NLGN1: variants seen among roughly 807,000 people sequenced by gnomAD.
The protein encoded by NLGN1 is neuroligin-1.
Under a neutral mutation model 65.5 loss-of-function variants are expected in NLGN1, and 12 were observed. The observed-to-expected ratio is 0.18, with a 90% CI of 0.12 to 0.30. The LOEUF is 0.30. Ranked by LOEUF, NLGN1 falls within the 10% of genes least tolerant of loss-of-function variation. The pLI is 1.00. For missense variants in NLGN1, 750 were observed against 1,007.1 expected (o/e 0.74, Z 3.46); for synonymous variants, 350 against 359.5 (o/e 0.97, Z 0.30).
exon 7 of NLGN1, chr3:174,285,666 G>T (rs1458768647): frequency 6.6e-6 from 1 of 151,272 alleles, no homozygotes; most frequent in Non-Finnish European, 1.5e-5. Flanking sequence ...TTTTATTCTG[G>T]CACGTTGCTG....
chr3:174,142,451 T>C (rs1184106428), intron 4 of NLGN1, among the ~76,000 whole-genome samples: 2 of 152,262 alleles, frequency 1.3e-5, no homozygotes, highest in Non-Finnish European at 2.9e-5. Context: ...TCTCAATGGG[T>C]ATGTGCCTAG....
At chr3:173,759,868 C>A (rs1777704735) in intron 3 of NLGN1, among the ~76,000 whole-genome samples, 1 of 151,534 alleles carries the variant, frequency 6.6e-6, no homozygotes. Flanking sequence ...ATTTATCTCC[C>A]AAATTGTCCT....
intron 4 of NLGN1, among the ~76,000 whole-genome samples, chr3:174,151,327 C>T (rs1724305933): frequency 6.6e-6 from 1 of 152,052 alleles, no homozygotes. Context: ...ATTGATCAAT[C>T]TGTATTTGTT....
intron 4 of NLGN1, among the ~76,000 whole-genome samples, chr3:174,224,446 C>T (rs1291398656): frequency 6.6e-6 from 1 of 152,184 alleles, no homozygotes; most frequent in African/African-American, 2.4e-5. Flanking sequence ...CGCCTGCAAT[C>T]CCAGAACTTT....
At chr3:173,981,206 A>G (rs1718699864) in intron 4 of NLGN1, among the ~76,000 whole-genome samples, 1 of 152,244 alleles carries the variant, frequency 6.6e-6, no homozygotes, top group African/African-American at 2.4e-5. Flanking sequence ...TGTGAGGACT[A>G]CATATAAAGT....
At chr3:174,160,474 A>G (rs1216795941) in intron 4 of NLGN1, among the ~76,000 whole-genome samples, 1 of 151,732 alleles carries the variant, frequency 6.6e-6, no homozygotes, top group African/African-American at 2.4e-5. Context: ...TTTACAATAA[A>G]GAATATGTTT....
At chr3:173,923,619 C>T (rs1472886390) in intron 4 of NLGN1, among the ~76,000 whole-genome samples, 5 of 152,114 alleles carry the variant, frequency 3.3e-5, no homozygotes, top group African/African-American at 4.8e-5. Context: ...TGATGTATGA[C>T]ATAATCTCCC....
rs566026115 is a variant in NLGN1 at position 173,629,903 on chromosome 3, C to G, written c.493+24812C>G. Among the ~76,000 whole-genome samples the G allele has an allele frequency of 3.9e-5, 6 of 152,210 alleles. No homozygotes were observed. The South Asian group carries it at 8.3e-4, about 21-fold the overall frequency. ...TTCTAAAATTCAATAAATTCCTTTT[C>G]TAACCTTTATAGAAACTTTTAAAAA... On this transcript the variant is annotated intron_variant, in intron 3 of 6. Coordinates refer to ENST00000457714, the Ensembl canonical transcript of NLGN1.
At chr3:173,777,682 C>T (rs563971822) in intron 3 of NLGN1, among the ~76,000 whole-genome samples, 14 of 150,918 alleles carry the variant, frequency 9.3e-5, no homozygotes, top group Admixed American at 8.6e-4. Flanking sequence ...TCTATCCATC[C>T]CATTTTTAGA....
chr3:173,669,770 T>G (rs1351754085), intron 3 of NLGN1, among the ~76,000 whole-genome samples: 1 of 152,132 alleles, frequency 6.6e-6, no homozygotes, highest in Non-Finnish European at 1.5e-5. Flanking sequence ...ATAATACAAG[T>G]TTTTTAACAG....
chr3:173,895,766 C>G (rs1736241493), intron 4 of NLGN1, among the ~76,000 whole-genome samples: 1 of 152,036 alleles, frequency 6.6e-6, no homozygotes, highest in Non-Finnish European at 1.5e-5. Flanking sequence ...TCTCGGCTCA[C>G]TACAACCTCT....
chr3:174,281,563 T>TTTAAG (rs1316089407), exon 7 of NLGN1: 7 of 372,698 alleles, frequency 1.9e-5, no homozygotes, highest in South Asian at 1.4e-4. Context: ...TTTTTGAAGA[T>TTTAAG]TTAAGTTACA....
At chr3:173,977,107 GCACACACACACACACGCACA>G (rs1450653970) in intron 4 of NLGN1, among the ~76,000 whole-genome samples, 1 of 120,326 alleles carries the variant, frequency 8.3e-6, no homozygotes, top group East Asian at 2.6e-4. Flanking sequence ...ACACACACAC[GCACACACACACACACGCACA>G]CACACACACA....
chr3:173,467,595 A>G (rs1724582477), intron 2 of NLGN1, among the ~76,000 whole-genome samples: 1 of 152,088 alleles, frequency 6.6e-6, no homozygotes, highest in African/African-American at 2.4e-5. Flanking sequence ...CATCTTTATC[A>G]TTGTTTTCAA....
chr3:173,855,941 T>C (rs748595324), intron 4 of NLGN1, among the ~76,000 whole-genome samples: 4 of 152,182 alleles, frequency 2.6e-5, no homozygotes, highest in Non-Finnish European at 2.9e-5. Flanking sequence ...CCCATCACTC[T>C]AGCTGCTTTG....
chr3:173,698,406 C>T (rs190872649), intron 3 of NLGN1, among the ~76,000 whole-genome samples: 3 of 152,192 alleles, frequency 2.0e-5, no homozygotes, highest in East Asian at 3.9e-4. Context: ...GATAACAGAC[C>T]ACCTAAACCA....
intron 3 of NLGN1, among the ~76,000 whole-genome samples, chr3:173,704,666 C>T (rs1469887070): frequency 6.6e-6 from 1 of 152,092 alleles, no homozygotes; most frequent in African/African-American, 2.4e-5. Context: ...TTCTTCATGA[C>T]ACAGAAAAGC....
chr3:174,125,239 G>A (rs1404938156), intron 4 of NLGN1, among the ~76,000 whole-genome samples: 1 of 152,078 alleles, frequency 6.6e-6, no homozygotes, highest in Non-Finnish European at 1.5e-5. Context: ...TGATCTAGGT[G>A]AAGAAAAAGA....
chr3:174,189,258 T>C (rs1731948661), intron 4 of NLGN1, among the ~76,000 whole-genome samples: 1 of 152,016 alleles, frequency 6.6e-6, no homozygotes, highest in Non-Finnish European at 1.5e-5. Flanking sequence ...AGTATACTCT[T>C]AACCCAACCC....
Sources: gnomAD v4.1 joint callset for allele counts (sites outside exome capture counted in the v4.1 genomes callset) on GRCh38, gnomAD v4.1.1 for gene constraint, MANE v1.5 for transcripts, NCBI Gene and HGNC (gene_info 2026-07-23, HGNC 2026-07-21) for gene names.